Variants in SLC44A5 observed in about 807,000 individuals in gnomAD.
SLC44A5 encodes the protein solute carrier family 44 member 5.
Under a neutral mutation model 101.8 loss-of-function variants are expected in SLC44A5, and 57 were observed. That is an observed-to-expected ratio of 0.56 (90% CI 0.45 to 0.70). SLC44A5 has a LOEUF of 0.70. Ranked by LOEUF, SLC44A5 falls within the 30% of genes least tolerant of loss-of-function variation. The probability of loss-of-function intolerance (pLI) is 0.00; values close to 1 mark genes in which losing one functional copy is unlikely to be tolerated. For synonymous variants in SLC44A5, 281 were observed against 290.9 expected (o/e 0.97, Z 0.35); for missense variants, 737 against 853.1 (o/e 0.86, Z 1.70).
At chr1:75,223,766 A>G (rs1057281730) in intron 13 of SLC44A5, among the ~76,000 whole-genome samples, 1 of 152,198 alleles carries the variant, frequency 6.6e-6, no homozygotes, top group African/African-American at 2.4e-5. Flanking sequence ...GTATACGAAG[A>G]TCTTAGTAAT....
intron 4 of SLC44A5, among the ~76,000 whole-genome samples, chr1:75,332,267 G>A (rs1014673263): frequency 2.0e-5 from 3 of 152,104 alleles, no homozygotes; most frequent in Admixed American, 2.0e-4. Flanking sequence ...TGACATGTAG[G>A]AAGCCCACTG....
At chr1:75,652,308 T>C in the SLC44A5 span, among the ~76,000 whole-genome samples, 10 of 152,324 alleles carry the variant, frequency 6.6e-5, no homozygotes, top group Non-Finnish European at 1.5e-4. Context: ...TCAAGTTGCC[T>C]ACTTGGCCCT....
chr1:75,543,778 C>T (rs983778839), intron 1 of SLC44A5, among the ~76,000 whole-genome samples: 7 of 151,110 alleles, frequency 4.6e-5, no homozygotes, highest in Non-Finnish European at 1.0e-4. Context: ...TGGGAGAGTT[C>T]TAAGAAGCCC....
At chr1:75,581,272 A>T (rs1673683715) in intron 1 of SLC44A5, among the ~76,000 whole-genome samples, 1 of 152,220 alleles carries the variant, frequency 6.6e-6, no homozygotes, top group African/African-American at 2.4e-5. Context: ...CTATATGATC[A>T]AGCTGTTTCC....
the SLC44A5 span, among the ~76,000 whole-genome samples, chr1:75,702,721 C>A: frequency 6.6e-6 from 1 of 152,244 alleles, no homozygotes; most frequent in East Asian, 1.9e-4. Context: ...ACTGAACAGG[C>A]CACCTACAGA....
chr1:75,446,193 T>C (rs77101542), intron 2 of SLC44A5, among the ~76,000 whole-genome samples: 2,687 of 152,294 alleles, frequency 0.018, 84 homozygotes, highest in African/African-American at 0.061. Context: ...TAGTCTCTTG[T>C]TCAAAACTTT....
At chr1:75,574,884 G>A (rs1673277171) in intron 1 of SLC44A5, among the ~76,000 whole-genome samples, 1 of 152,038 alleles carries the variant, frequency 6.6e-6, no homozygotes, top group Non-Finnish European at 1.5e-5. Flanking sequence ...AACACAAAAG[G>A]GCTGGCCAGG....
chr1:75,465,450 C>G (rs1570360260), intron 2 of SLC44A5, among the ~76,000 whole-genome samples: 1 of 151,880 alleles, frequency 6.6e-6, no homozygotes, highest in African/African-American at 2.4e-5. Context: ...AAACTTCAAA[C>G]AACCTAACAA....
intron 2 of SLC44A5, among the ~76,000 whole-genome samples, chr1:75,460,614 CAG>C (rs1160633325): frequency 2.0e-5 from 3 of 152,160 alleles, no homozygotes; most frequent in Admixed American, 6.5e-5. Flanking sequence ...GGGACAATCT[CAG>C]AGTCTTTTTG....
At chr1:75,230,486 C>T (rs659170) in intron 12 of SLC44A5, among the ~76,000 whole-genome samples, 135,864 of 152,128 alleles carry the variant, frequency 0.89, 60,930 homozygotes, top group East Asian at 1. Flanking sequence ...CTTGACCTTG[C>T]GATCCACCTG....
intron 5 of SLC44A5, among the ~76,000 whole-genome samples, chr1:75,295,974 A>G (rs909676310): frequency 3.9e-5 from 6 of 152,172 alleles, no homozygotes; most frequent in African/African-American, 7.2e-5. Flanking sequence ...TGATGAGGTA[A>G]ATTTTGACTA....
the SLC44A5 span, among the ~76,000 whole-genome samples, chr1:75,683,168 C>T: frequency 6.6e-6 from 1 of 151,294 alleles, no homozygotes; most frequent in South Asian, 2.1e-4. Context: ...GGACTGTAAA[C>T]TAGTTCAACC....
the SLC44A5 span, among the ~76,000 whole-genome samples, chr1:75,620,476 C>T: frequency 2.6e-5 from 4 of 152,158 alleles, no homozygotes; most frequent in Admixed American, 6.5e-5. Context: ...CCTATTTCTC[C>T]GCATCCTCTC....
At chr1:75,314,803 AAT>A (rs1470938134) in intron 4 of SLC44A5, among the ~76,000 whole-genome samples, 2 of 152,170 alleles carry the variant, frequency 1.3e-5, no homozygotes, top group Non-Finnish European at 2.9e-5. Flanking sequence ...GCAGCAAATT[AAT>A]ATGATTGCTT....
intron 4 of SLC44A5, among the ~76,000 whole-genome samples, chr1:75,308,772 G>C (rs764801706): frequency 2.0e-5 from 3 of 152,204 alleles, no homozygotes; most frequent in Non-Finnish European, 4.4e-5. Flanking sequence ...TGTAGACACA[G>C]AGTAGTGCTA....
intron 2 of SLC44A5, among the ~76,000 whole-genome samples, chr1:75,422,561 C>T (rs1284924534): frequency 6.6e-6 from 1 of 152,174 alleles, no homozygotes; most frequent in African/African-American, 2.4e-5. Flanking sequence ...TGATACCATA[C>T]ACAACAGTAG....
intron 1 of SLC44A5, among the ~76,000 whole-genome samples, chr1:75,599,124 T>C (rs769754839): frequency 6.6e-5 from 10 of 150,398 alleles, no homozygotes; most frequent in Non-Finnish European, 1.2e-4. Flanking sequence ...AATGTTCATT[T>C]AGTATCTGTG....
intron 3 of SLC44A5, among the ~76,000 whole-genome samples, chr1:75,374,615 G>A (rs1267509692): frequency 6.6e-6 from 1 of 152,158 alleles, no homozygotes; most frequent in Non-Finnish European, 1.5e-5. Context: ...CAAGAGGCAT[G>A]TGGCTAAGAG....
At chr1:75,529,823 A>C (rs999063229) in intron 2 of SLC44A5, among the ~76,000 whole-genome samples, 1 of 152,160 alleles carries the variant, frequency 6.6e-6, no homozygotes, top group Non-Finnish European at 1.5e-5. Context: ...AATTCAAAAT[A>C]TTCTGCTTGA....
Sources: allele counts gnomAD v4.1 joint callset (sites outside exome capture counted in the v4.1 genomes callset), GRCh38; gene constraint gnomAD v4.1.1; transcripts MANE v1.5; gene names NCBI Gene and HGNC (gene_info 2026-07-23, HGNC 2026-07-21).